ITGBL1: variants seen among roughly 807,000 people sequenced by gnomAD.
ITGBL1 encodes the protein integrin subunit beta like 1.
ITGBL1 carries 51 observed loss-of-function variants against 68.5 expected under a neutral mutation model. The observed-to-expected ratio is 0.74, with a 90% CI of 0.59 to 0.94. The LOEUF is 0.94. Among genes scored for constraint, ITGBL1 ranks in the 40% least tolerant of loss-of-function variants. The pLI is 0.00. For missense variants in ITGBL1, 649 were observed against 647.4 expected, an observed-to-expected ratio of 1.00 and a Z score of -0.03; for synonymous variants, 209 against 227.3, an observed-to-expected ratio of 0.92 and a Z score of 0.72.
At chr13:101,714,627 T>C in intron 10 of ITGBL1, 76 bp downstream of exon 10, 1 of 907,220 alleles carries the variant, frequency 1.1e-6, no homozygotes, top group Non-Finnish European at 1.8e-6. Context: ...CATGCAATGC[T>C]TTAGGTGGCT....
intron 7 of ITGBL1, among the ~76,000 whole-genome samples, chr13:101,653,144 G>T (rs1041474742): frequency 6.6e-6 from 1 of 150,892 alleles, no homozygotes; most frequent in African/African-American, 2.4e-5. Flanking sequence ...CAAGGGGGAG[G>T]GGGAGGAGGA....
chr13:101,538,789 C>A (rs565448644), intron 2 of ITGBL1, among the ~76,000 whole-genome samples: 1 of 152,080 alleles, frequency 6.6e-6, no homozygotes, highest in Non-Finnish European at 1.5e-5. Flanking sequence ...GAGATAAGTT[C>A]TTTTTTAAAA....
intron 8 of ITGBL1, among the ~76,000 whole-genome samples, chr13:101,702,519 G>T (rs934679179): frequency 6.6e-5 from 10 of 151,344 alleles, no homozygotes; most frequent in African/African-American, 2.2e-4. Flanking sequence ...TATTACTCTT[G>T]CTGTATCCTA....
At chr13:101,661,205 C>T (rs1296058529) in intron 7 of ITGBL1, among the ~76,000 whole-genome samples, 1 of 151,536 alleles carries the variant, frequency 6.6e-6, no homozygotes, top group Non-Finnish European at 1.5e-5. Context: ...TATTGTTTTT[C>T]CTGACTTTGG....
At chr13:101,634,320 G>A (rs568755422) in intron 7 of ITGBL1, among the ~76,000 whole-genome samples, 28 of 152,236 alleles carry the variant, frequency 1.8e-4, no homozygotes, top group African/African-American at 6.7e-4. Flanking sequence ...CCTTAGCCTA[G>A]TTAAGAAATG....
intron 6 of ITGBL1, among the ~76,000 whole-genome samples, chr13:101,594,943 G>A (rs548075838): frequency 1.2e-4 from 18 of 152,184 alleles, no homozygotes; most frequent in East Asian, 5.8e-4. Flanking sequence ...GCGTGTTGAC[G>A]CACACCTGTA....
intron 2 of ITGBL1, among the ~76,000 whole-genome samples, chr13:101,524,734 GA>G (rs1594865311): frequency 6.7e-6 from 1 of 149,126 alleles, no homozygotes; most frequent in East Asian, 2.0e-4. Context: ...GGTAGACTAT[GA>G]AAAAAATGAA....
intron 8 of ITGBL1, among the ~76,000 whole-genome samples, chr13:101,704,880 T>C (rs2034220521): frequency 6.6e-6 from 1 of 152,210 alleles, no homozygotes; most frequent in Non-Finnish European, 1.5e-5. Flanking sequence ...TGCATGTAAA[T>C]CAAGCTAGGT....
intron 4 of ITGBL1, among the ~76,000 whole-genome samples, chr13:101,578,243 T>G (rs1223775607): frequency 6.6e-6 from 1 of 152,218 alleles, no homozygotes; most frequent in Non-Finnish European, 1.5e-5. Context: ...ATGATAAATA[T>G]GCTTATAAGA....
intron 2 of ITGBL1, among the ~76,000 whole-genome samples, chr13:101,551,300 G>C (rs1043770470): frequency 6.6e-6 from 1 of 152,162 alleles, no homozygotes; most frequent in Non-Finnish European, 1.5e-5. Flanking sequence ...ACCTACCTTC[G>C]CCTAATGTAG....
chr13:101,483,600 T>C (rs2048658014), intron 2 of ITGBL1, among the ~76,000 whole-genome samples: 1 of 152,222 alleles, frequency 6.6e-6, no homozygotes, highest in South Asian at 2.1e-4. Flanking sequence ...CAATTTTAGT[T>C]TCATAACCTT....
At chr13:101,707,270 A>C (rs2034283035) in intron 9 of ITGBL1, among the ~76,000 whole-genome samples, 1 of 152,340 alleles carries the variant, frequency 6.6e-6, no homozygotes, top group Admixed American at 6.5e-5. Context: ...CACAGCTCAG[A>C]ACTACAGAAA....
chr13:101,653,353 A>G (rs1429051258), intron 7 of ITGBL1, among the ~76,000 whole-genome samples: 6 of 152,208 alleles, frequency 3.9e-5, no homozygotes, highest in Non-Finnish European at 5.9e-5. Context: ...ATATTGGGAT[A>G]TCACTGATTT....
chr13:101,482,791 A>G (rs992814578), intron 2 of ITGBL1, among the ~76,000 whole-genome samples: 1 of 152,112 alleles, frequency 6.6e-6, no homozygotes, highest in Non-Finnish European at 1.5e-5. Flanking sequence ...TGTAAGGAAA[A>G]AAATTGCAAT....
chr13:101,571,002 T>A (rs993856072), intron 3 of ITGBL1, among the ~76,000 whole-genome samples: 1 of 152,130 alleles, frequency 6.6e-6, no homozygotes, highest in Admixed American at 6.6e-5. Context: ...CACAAATACA[T>A]ATACACATAC....
intron 2 of ITGBL1, among the ~76,000 whole-genome samples, chr13:101,513,672 C>T (rs1262728782): frequency 6.6e-6 from 1 of 152,038 alleles, no homozygotes; most frequent in Non-Finnish European, 1.5e-5. Context: ...ACTTCTAAGT[C>T]TAAAGCCTTT....
intron 7 of ITGBL1, among the ~76,000 whole-genome samples, chr13:101,611,575 C>T (rs1158478089): frequency 2.0e-5 from 3 of 152,046 alleles, no homozygotes; most frequent in Non-Finnish European, 4.4e-5. Context: ...GAAAGGGTCA[C>T]GTTGCACAGT....
intron 2 of ITGBL1, among the ~76,000 whole-genome samples, chr13:101,491,551 T>C (rs2048777078): frequency 6.6e-6 from 1 of 152,206 alleles, no homozygotes; most frequent in Non-Finnish European, 1.5e-5. Flanking sequence ...CCACACATTC[T>C]TCTGATGATT....
chr13:101,598,412 T>G, intron 7 of ITGBL1, 113 bp downstream of exon 7: 1 of 818,826 alleles, frequency 1.2e-6, no homozygotes, highest in Non-Finnish European at 1.7e-6. Context: ...GCTTTTTGGT[T>G]TTTTTGTTTT....
Sources: allele counts gnomAD v4.1 joint callset (sites outside exome capture counted in the v4.1 genomes callset), GRCh38; gene constraint gnomAD v4.1.1; transcripts MANE v1.5; gene names NCBI Gene and HGNC (gene_info 2026-07-23, HGNC 2026-07-21).